The following SSBP1 variants were observed in gnomAD, a reference collection of about 807,000 sequenced individuals.
SSBP1 encodes single-stranded DNA-binding protein, mitochondrial.
Under a neutral mutation model 27.0 loss-of-function variants are expected in SSBP1, and 20 were observed. The observed-to-expected ratio is 0.74, with a 90% confidence interval of 0.52 to 1.08. The LOEUF (loss-of-function observed/expected upper bound fraction) is 1.08, where lower values mean the gene tolerates loss of function less well. SSBP1 is among the 50% of genes least tolerant of loss of function. The pLI is 0.00. For synonymous variants in SSBP1, 59 were observed against 59.3 expected (o/e 1.00, Z 0.02); for missense variants, 137 against 182.4 (o/e 0.75, Z 1.44).
chr7:141,744,262 A>G (rs766608780), intron 5 of SSBP1, among the ~76,000 whole-genome samples: 28 of 152,370 alleles, frequency 1.8e-4, no homozygotes, highest in Non-Finnish European at 3.4e-4. Context: ...TAGATGAGGC[A>G]GGAGAGAAGG....
At position 141,750,215 on chromosome 7, in the gene SSBP1, T is replaced by A. The variant is rs1799912378; in HGVS notation, c.404-96T>A. 7 of 865,128 alleles carry A rather than the reference T, an allele frequency of 8.1e-6. No individual in the cohort carries two copies. The South Asian group carries it at 1.1e-4, about 14-fold the overall frequency. The allele number at this position is 865,128 out of a possible 1,614,324, so 53.6% of individuals were successfully genotyped here. ...GAAAAGATGGCTAAAATCCTTTTAATGAACAGCACTAAAGTTATATGTATT... is the reference window on the plus strand; with the variant it reads ...GAAAAGATGGCTAAAATCCTTTTAAAGAACAGCACTAAAGTTATATGTATT... On this transcript the variant is annotated intron_variant, in intron 6 of 6. Transcript: ENST00000265304.
chr7:141,743,487 A>G (rs551514867), intron 3 of SSBP1, 74 bp from the exon 4 acceptor site: 2 of 1,553,554 alleles, frequency 1.3e-6, no homozygotes, highest in East Asian at 2.3e-5. Context: ...TTCAACATAC[A>G]AATTTTGGGG....
At chr7:141,738,994 T>A in intron 1 of SSBP1, 130 bp from the exon 2 acceptor site, 1 of 505,970 alleles carries the variant, frequency 2.0e-6, no homozygotes, top group South Asian at 3.2e-5. Context: ...TGTGCAGGAA[T>A]GTTGGTACGT....
intron 5 of SSBP1, among the ~76,000 whole-genome samples, chr7:141,744,429 A>T (rs1799691438): frequency 2.0e-5 from 3 of 152,196 alleles, no homozygotes; most frequent in South Asian, 4.1e-4. Context: ...TGACATGCCA[A>T]CTTCATCTTC....
At chr7:141,742,078 A>C in intron 2 of SSBP1, 91 bp from the exon 3 acceptor site, 1 of 952,724 alleles carries the variant, frequency 1.0e-6, no homozygotes, top group East Asian at 2.5e-5. Context: ...GGAACTACTG[A>C]CTATATGGTG....
chr7:141,742,412 T>C (rs1477971036), intron 3 of SSBP1, among the ~76,000 whole-genome samples, 183 bp downstream of exon 3: 3 of 152,224 alleles, frequency 2.0e-5, no homozygotes, highest in Non-Finnish European at 4.4e-5. Flanking sequence ...ACTGAGCCCC[T>C]GTTCTCCTTA....
At chr7:141,742,082 T>C in intron 2 of SSBP1, 87 bp from the exon 3 acceptor site, 2 of 988,238 alleles carry the variant, frequency 2.0e-6, no homozygotes, top group East Asian at 2.5e-5. Flanking sequence ...CTACTGACTA[T>C]ATGGTGAATG....
intron 2 of SSBP1, chr7:141,739,616 T>C (rs1799439385): frequency 6.4e-6 from 1 of 155,804 alleles, no homozygotes; most frequent in Non-Finnish European, 1.4e-5. Context: ...CAAGTCTCAG[T>C]GGTCACCAGA....
chr7:141,739,060 CTGGTGAGTTGTACTTT>C, intron 1 of SSBP1, 48 bp from the exon 2 acceptor site: 3 of 903,362 alleles, frequency 3.3e-6, no homozygotes, highest in Non-Finnish European at 4.9e-6. Flanking sequence ...GAATTTAGGA[CTGGTGAGTTGTACTTT>C]TGCCATAAGA....
At chr7:141,742,074 A>G (rs1225604052) in intron 2 of SSBP1, 95 bp from the exon 3 acceptor site, 8 of 918,106 alleles carry the variant, frequency 8.7e-6, no homozygotes, top group African/African-American at 3.3e-5. Flanking sequence ...TTCAGGAACT[A>G]CTGACTATAT....
chr7:141,743,055 G>C (rs770595705), intron 3 of SSBP1, among the ~76,000 whole-genome samples: 1 of 152,142 alleles, frequency 6.6e-6, no homozygotes. Context: ...GGGTTTCACC[G>C]TGTTAGCCAG....
chr7:141,750,222 C>T (rs1799912661), intron 6 of SSBP1, 89 bp from the exon 7 acceptor site: 2 of 916,992 alleles, frequency 2.2e-6, no homozygotes, highest in African/African-American at 1.7e-5. Context: ...TAATGAACAG[C>T]ACTAAAGTTA....
At chr7:141,744,956 T>A (rs1171399658) in intron 5 of SSBP1, among the ~76,000 whole-genome samples, 1 of 152,196 alleles carries the variant, frequency 6.6e-6, no homozygotes, top group African/African-American at 2.4e-5. Context: ...AGCCTCTAGA[T>A]AGTGTAGAAA....
intron 2 of SSBP1, 117 bp downstream of exon 2, chr7:141,739,307 C>T: frequency 2.9e-6 from 2 of 699,748 alleles, no homozygotes; most frequent in Non-Finnish European, 4.4e-6. Flanking sequence ...CCACCCACCT[C>T]TATACTCATT....
chr7:141,741,389 C>T (rs1326173454), intron 2 of SSBP1: 1 of 152,252 alleles, frequency 6.6e-6, no homozygotes, highest in Non-Finnish European at 1.5e-5. Flanking sequence ...TAACAGGCCA[C>T]AGAACTCTAC....
At chr7:141,739,419 T>G in intron 2 of SSBP1, 1 of 387,532 alleles carries the variant, frequency 2.6e-6, no homozygotes, top group South Asian at 1.1e-4. Flanking sequence ...CATTAATTTT[T>G]AAAATGTGTG....
intron 3 of SSBP1, among the ~76,000 whole-genome samples, chr7:141,742,956 G>A (rs953856835): frequency 1.3e-5 from 2 of 152,188 alleles, no homozygotes; most frequent in Non-Finnish European, 2.9e-5. Flanking sequence ...CCGGGTTCAT[G>A]CCATTCTCCT....
chr7:141,747,434 G>A (rs1282157028), intron 6 of SSBP1, among the ~76,000 whole-genome samples: 6 of 135,504 alleles, frequency 4.4e-5, no homozygotes, highest in South Asian at 2.4e-4. Context: ...CTGTTGCCCC[G>A]GCTAGAGTAC....
intron 2 of SSBP1, chr7:141,741,826 T>C: frequency 9.8e-7 from 1 of 1,021,288 alleles, no homozygotes; most frequent in Non-Finnish European, 1.2e-6. Flanking sequence ...TATCATACTC[T>C]GTAATGTTAA....
Sources: allele counts gnomAD v4.1 joint callset (sites outside exome capture counted in the v4.1 genomes callset), GRCh38; gene constraint gnomAD v4.1.1; transcripts MANE v1.5; gene names NCBI Gene and HGNC (gene_info 2026-07-23, HGNC 2026-07-21).